Variants in TMC1 observed in about 807,000 individuals in gnomAD.
TMC1 encodes transmembrane channel like 1.
TMC1 carries 84 observed loss-of-function variants against 105.8 expected under a neutral mutation model. That is an observed-to-expected ratio of 0.79 (90% CI 0.67 to 0.95). The LOEUF is 0.95. TMC1 is among the 40% of genes least tolerant of loss of function. The pLI is 0.00. For missense variants in TMC1, 817 were observed against 914.1 expected (o/e 0.89, Z 1.37); for synonymous variants, 315 against 311.5 (o/e 1.01, Z -0.12).
At chr9:72,827,128 A>C in intron 21 of TMC1, 134 bp downstream of exon 21, 1 of 1,208,726 alleles carries the variant, frequency 8.3e-7, no homozygotes, top group Non-Finnish European at 1.2e-6. Flanking sequence ...CACTGATTAC[A>C]TGGTGGTGAG....
intron 1 of TMC1, among the ~76,000 whole-genome samples, chr9:72,531,002 A>T (rs1473402014): frequency 6.6e-6 from 1 of 150,934 alleles, no homozygotes; most frequent in African/African-American, 2.4e-5. Flanking sequence ...TATTATTATT[A>T]TTATTATTTG....
At chr9:72,600,452 C>T (rs1824788663) in intron 2 of TMC1, among the ~76,000 whole-genome samples, 1 of 152,152 alleles carries the variant, frequency 6.6e-6, no homozygotes, top group South Asian at 2.1e-4. Context: ...ACTGTGGGCT[C>T]TCCCTCTTTT....
In TMC1 at chr9:72,534,963, C is replaced by A. The variant is rs527571907; in HGVS notation, c.-428+13050C>A. Among the ~76,000 whole-genome samples the A allele has an allele frequency of 5.9e-5, 9 of 152,120 alleles. No homozygotes were observed. In the East Asian group the frequency reaches 1.7e-3, roughly 29 times the overall value. ...TTTATTTTCATGATCACTACTCTTA[C>A]TTCAAATATATCTATTATCTAAGTT... On this transcript the variant is annotated intron_variant, in intron 1 of 23. Transcript: ENST00000297784.
Position 72,830,471 on chromosome 9 carries a change from A to G in TMC1, c.2150A>G (p.Asn717Ser), listed in dbSNP as rs749588216. 6 of 1,613,438 alleles carry G rather than the reference A, an allele frequency of 3.7e-6. No individual in the cohort carries two copies. The highest frequency in any genetic ancestry group is 1.7e-5 in the Admixed American group (1 of 59,984). ...LVMVLAIYYL[N>S]ATAKGQKAAN... ...TTTAGTTTGGCCATCTATTATCTCA[A>G]TGCTACTGCCAAGGGCCAGAAGGCA... The change falls in exon 22 of 24, where the codon AAT becomes AGT. Residue 717 changes from asparagine to serine, a missense_variant. By Grantham distance (46) the Asn-to-Ser change is conservative (BLOSUM62 1). Transcript: ENST00000297784.
chr9:72,760,426 C>T (rs1319508651), intron 12 of TMC1, among the ~76,000 whole-genome samples: 1 of 151,952 alleles, frequency 6.6e-6, no homozygotes, highest in African/African-American at 2.4e-5. Context: ...TTTGCAAAGC[C>T]CAGGGGTGCC....
At chr9:72,756,970 A>G (rs1827684950) in intron 12 of TMC1, among the ~76,000 whole-genome samples, 1 of 152,190 alleles carries the variant, frequency 6.6e-6, no homozygotes, top group Non-Finnish European at 1.5e-5. Context: ...AGATTGTATC[A>G]CTGCCCTTGA....
intron 2 of TMC1, among the ~76,000 whole-genome samples, chr9:72,603,623 C>T (rs1824858137): frequency 6.6e-6 from 1 of 152,082 alleles, no homozygotes; most frequent in Non-Finnish European, 1.5e-5. Context: ...GATTTCAGCT[C>T]ACTGCAACCT....
At chr9:72,700,302 A>T (rs1826621300) in intron 7 of TMC1, among the ~76,000 whole-genome samples, 2 of 151,928 alleles carry the variant, frequency 1.3e-5, no homozygotes, top group Non-Finnish European at 2.9e-5. Context: ...TTAGATTCAG[A>T]TTCAGGAAGG....
At chr9:72,704,512 T>C (rs1826701490) in intron 8 of TMC1, among the ~76,000 whole-genome samples, 1 of 152,130 alleles carries the variant, frequency 6.6e-6, no homozygotes, top group Admixed American at 6.6e-5. Context: ...CAAAAGATGG[T>C]TAATATAAGT....
chr9:72,775,759 G>A (rs1827995900), intron 13 of TMC1, among the ~76,000 whole-genome samples: 1 of 152,134 alleles, frequency 6.6e-6, no homozygotes, highest in African/African-American at 2.4e-5. Context: ...AAGAAGCATG[G>A]AGTCAGCTTC....
chr9:72,592,044 A>G (rs897512987), intron 2 of TMC1, among the ~76,000 whole-genome samples: 1 of 152,160 alleles, frequency 6.6e-6, no homozygotes, highest in African/African-American at 2.4e-5. Context: ...AATACACAGA[A>G]CAGCCCTTTT....
At chr9:72,537,799 G>A (rs913399766) in intron 1 of TMC1, among the ~76,000 whole-genome samples, 2 of 152,182 alleles carry the variant, frequency 1.3e-5, no homozygotes, top group African/African-American at 4.8e-5. Flanking sequence ...AAAATTTCCT[G>A]ATTGGCAATG....
At chr9:72,835,908 TCTCC>T in intron 23 of TMC1, 39 bp from the exon 24 acceptor site, 2 of 1,562,784 alleles carry the variant, frequency 1.3e-6, no homozygotes, top group South Asian at 1.1e-5. Context: ...TCTCTCTCTC[TCTCC>T]TTGTTTTTTT....
rs1300268466 is a variant in TMC1, at chr9:72,688,758, T to C, written c.64+2T>C. ...AAGACGAGACTGAGGAAAGCTCAAG[T>C]AAGTGGTGATGGGCCACTTGGGATA... On this transcript the variant is annotated splice_donor_variant, in intron 6 of 23. Transcript: ENST00000297784. LOFTEE classifies it high-confidence loss of function. 9.9e-6 allele frequency: 16 copies of C among 1,610,758 alleles called. No individual in the cohort carries two copies. The highest frequency in any genetic ancestry group is 1.4e-5 in the Non-Finnish European group (16 of 1,177,808).
At chr9:72,820,367 T>C (rs1403906411) in intron 19 of TMC1, among the ~76,000 whole-genome samples, 1 of 152,218 alleles carries the variant, frequency 6.6e-6, no homozygotes, top group Non-Finnish European at 1.5e-5. Context: ...AAGCAAAAAC[T>C]AATTATTCAT....
chr9:72,570,176 G>GT (rs1160329329), intron 1 of TMC1, among the ~76,000 whole-genome samples: 2 of 151,312 alleles, frequency 1.3e-5, no homozygotes, highest in Admixed American at 6.6e-5. Flanking sequence ...CGTAACTGCA[G>GT]TTTTTTTCTT....
chr9:72,762,038 GT>G (rs968610306), intron 12 of TMC1, among the ~76,000 whole-genome samples: 5 of 152,158 alleles, frequency 3.3e-5, no homozygotes, highest in African/African-American at 1.2e-4. Flanking sequence ...AAAGGAGAGA[GT>G]GAACAAGAGT....
intron 3 of TMC1, among the ~76,000 whole-genome samples, chr9:72,618,068 A>T (rs1229524041): frequency 2.4e-5 from 2 of 83,036 alleles, no homozygotes; most frequent in East Asian, 3.7e-4. Flanking sequence ...TCATTTTGTT[A>T]CCCAGGCTGG....
rs144986136 is a variant in TMC1 at position 72,646,595 on chromosome 9, TA to T, written c.-52-2001del. 9.8e-3 allele frequency among the ~76,000 whole-genome samples: 1,490 copies of T among 152,166 alleles called. 29 individuals carry two copies. The highest frequency in any genetic ancestry group is 0.034 in the African/African-American group (1,419 of 41,532). ...TTACTGTTCATGTTTTTGCTCATCT[TA>T]TTGGGTTATGGGCCATTTTATTTTA... On this transcript the variant is annotated intron_variant, in intron 4 of 23. Coordinates refer to ENST00000297784, the MANE Select transcript of TMC1 (RefSeq NM_138691.3).
Sources: allele counts gnomAD v4.1 joint callset (sites outside exome capture counted in the v4.1 genomes callset), GRCh38; gene constraint gnomAD v4.1.1; transcripts MANE v1.5; gene names NCBI Gene and HGNC (gene_info 2026-07-23, HGNC 2026-07-21).